The following GSTCD variants were observed in gnomAD, a reference collection of about 807,000 sequenced individuals.
The protein encoded by GSTCD is glutathione S-transferase C-terminal domain-containing protein.
Under a neutral mutation model 68.3 loss-of-function variants are expected in GSTCD, and 44 were observed. That is an observed-to-expected ratio of 0.64 (90% confidence interval 0.51 to 0.83). The LOEUF is 0.83. GSTCD is among the 40% of genes least tolerant of loss of function. The probability of loss-of-function intolerance (pLI) is 0.00; values close to 1 mark genes in which losing one functional copy is unlikely to be tolerated. For synonymous variants in GSTCD, 273 were observed against 255.2 expected, an observed-to-expected ratio of 1.07 and a Z score of -0.67; for missense variants, 739 against 735.9, an observed-to-expected ratio of 1.00 and a Z score of -0.05.
At chr4:105,731,108 G>C (rs1027874648) in intron 5 of GSTCD, among the ~76,000 whole-genome samples, 1 of 152,194 alleles carries the variant, frequency 6.6e-6, no homozygotes, top group African/African-American at 2.4e-5. Flanking sequence ...TTTGGTACCA[G>C]TACCATGCTG....
intron 5 of GSTCD, among the ~76,000 whole-genome samples, chr4:105,786,885 T>A (rs1424255435): frequency 2.6e-5 from 4 of 152,080 alleles, no homozygotes; most frequent in African/African-American, 9.7e-5. Flanking sequence ...CCTCATATAC[T>A]GCCGTTAGGA....
intron 3 of GSTCD, among the ~76,000 whole-genome samples, chr4:105,720,167 G>C (rs73839009): frequency 6.5e-5 from 7 of 108,042 alleles, no homozygotes; most frequent in African/African-American, 1.3e-4. Flanking sequence ...CTCTCTCTCT[G>C]TCTGTCTTAC....
intron 8 of GSTCD, among the ~76,000 whole-genome samples, chr4:105,832,588 G>A (rs763317054): frequency 3.3e-5 from 5 of 152,184 alleles, no homozygotes; most frequent in Non-Finnish European, 7.3e-5. Context: ...ATGGGGTCAG[G>A]CTTTGAGGTC....
intron 5 of GSTCD, among the ~76,000 whole-genome samples, chr4:105,784,688 C>CT (rs1735399052): frequency 6.6e-6 from 1 of 152,118 alleles, no homozygotes; most frequent in Non-Finnish European, 1.5e-5. Context: ...AAAAGCTTTC[C>CT]TTTCTCTTCC....
intron 5 of GSTCD, chr4:105,753,438 G>A (rs374195758): frequency 6.6e-6 from 1 of 151,918 alleles, no homozygotes; most frequent in South Asian, 2.1e-4. Context: ...ACAGTTGGAT[G>A]TATTCATGAA....
chr4:105,777,030 T>C (rs1008769453), intron 5 of GSTCD, among the ~76,000 whole-genome samples: 8 of 152,180 alleles, frequency 5.3e-5, no homozygotes, highest in African/African-American at 1.9e-4. Flanking sequence ...AGAACCCTAA[T>C]CACATTGAGC....
rs142549324 is a variant in GSTCD at position 105,746,617 on chromosome 4, G to A, written c.1240+17118G>A. Among the ~76,000 whole-genome samples the A allele has an allele frequency of 1.3e-3, 146 of 114,646 alleles. No individual in the cohort carries two copies. In the Middle Eastern group the frequency reaches 0.024, roughly 19 times the overall value. The allele number at this position is 114,646 out of a possible 152,430, so 75.2% of individuals were successfully genotyped here. On this transcript the variant is annotated intron_variant, in intron 5 of 11. Transcript: ENST00000515279. ...TCACTGATTGAATTGATGTTTCTAG[G>A]AAGTATGAATTTTTTTAATTCTAGT...
intron 5 of GSTCD, among the ~76,000 whole-genome samples, chr4:105,779,385 G>A (rs560862739): frequency 2.6e-5 from 4 of 152,258 alleles, no homozygotes; most frequent in Non-Finnish European, 5.9e-5. Context: ...ATCATGTCAG[G>A]AGGACAACAA....
At chr4:105,750,476 A>AG (rs1392323939) in intron 5 of GSTCD, among the ~76,000 whole-genome samples, 6 of 151,726 alleles carry the variant, frequency 4.0e-5, no homozygotes, top group Admixed American at 2.6e-4. Context: ...AAAAAAAAAA[A>AG]AAAGAAAAGT....
At chr4:105,729,917 C>T (rs547950929) in intron 5 of GSTCD, among the ~76,000 whole-genome samples, 61 of 152,062 alleles carry the variant, frequency 4.0e-4, no homozygotes, top group Non-Finnish European at 7.2e-4. Flanking sequence ...CAACAGGCCC[C>T]GGTGTGTGAT....
intron 5 of GSTCD, among the ~76,000 whole-genome samples, chr4:105,772,452 C>T (rs1230826084): frequency 1.3e-5 from 2 of 152,176 alleles, no homozygotes; most frequent in Admixed American, 6.5e-5. Flanking sequence ...AAAGGGAATG[C>T]TTCCAGCTTT....
intron 8 of GSTCD, among the ~76,000 whole-genome samples, chr4:105,827,554 C>G (rs1416447169): frequency 2.0e-5 from 3 of 151,932 alleles, no homozygotes; most frequent in Non-Finnish European, 4.4e-5. Flanking sequence ...AATAATTTGC[C>G]TAGGAGAGTA....
At chr4:105,751,921 A>G (rs1046876145) in intron 5 of GSTCD, among the ~76,000 whole-genome samples, 3 of 152,204 alleles carry the variant, frequency 2.0e-5, no homozygotes, top group African/African-American at 7.2e-5. Context: ...ACAGTTGTAT[A>G]ACATACTATT....
At chr4:105,739,155 T>A (rs1733553040) in intron 5 of GSTCD, among the ~76,000 whole-genome samples, 1 of 152,242 alleles carries the variant, frequency 6.6e-6, no homozygotes, top group South Asian at 2.1e-4. Flanking sequence ...TTGCATATGT[T>A]GAATTATCCT....
At chr4:105,720,584 T>C (rs1005190661) in intron 3 of GSTCD, among the ~76,000 whole-genome samples, 1 of 152,196 alleles carries the variant, frequency 6.6e-6, no homozygotes, top group African/African-American at 2.4e-5. Flanking sequence ...CAAAACAATA[T>C]AAAAAGAGAG....
At chr4:105,807,314 C>G (rs1722557705) in intron 5 of GSTCD, 1 of 152,038 alleles carries the variant, frequency 6.6e-6, no homozygotes, top group Non-Finnish European at 1.5e-5. Context: ...TATATAATCA[C>G]AAGCCAATTA....
intron 5 of GSTCD, among the ~76,000 whole-genome samples, chr4:105,804,977 C>CCTT (rs1279258664): frequency 1.3e-5 from 2 of 152,100 alleles, no homozygotes; most frequent in East Asian, 3.9e-4. Flanking sequence ...TGGTCTCGTT[C>CCTT]CTTTTTTATG....
At chr4:105,841,352 C>A (rs1724331939) in intron 10 of GSTCD, among the ~76,000 whole-genome samples, 1 of 151,518 alleles carries the variant, frequency 6.6e-6, no homozygotes, top group Non-Finnish European at 1.5e-5. Flanking sequence ...AAAGAAAACC[C>A]ACTTAGCAAG....
intron 5 of GSTCD, among the ~76,000 whole-genome samples, chr4:105,795,907 A>G (rs1157420873): frequency 3.3e-5 from 5 of 152,324 alleles, no homozygotes; most frequent in South Asian, 4.1e-4. Context: ...TGTTCTGTCC[A>G]TAAAAATTCA....
Sources: allele counts gnomAD v4.1 joint callset (sites outside exome capture counted in the v4.1 genomes callset), GRCh38; gene constraint gnomAD v4.1.1; transcripts MANE v1.5; gene names NCBI Gene and HGNC (gene_info 2026-07-23, HGNC 2026-07-21).